Variants in ELOVL5 observed in about 807,000 individuals in gnomAD.
ELOVL5 encodes very long chain fatty acid elongase 5.
A neutral mutation model predicts 38.6 loss-of-function variants in ELOVL5; 8 were observed. The ratio of observed to expected loss-of-function variants is 0.21; its 90% CI spans 0.12 to 0.37. The LOEUF (loss-of-function observed/expected upper bound fraction) is 0.37, where lower values mean the gene tolerates loss of function less well. Among genes scored for constraint, ELOVL5 ranks in the 10% least tolerant of loss-of-function variants. The pLI is 1.00. For synonymous variants in ELOVL5, 127 were observed against 133.7 expected (o/e 0.95, Z 0.34); for missense variants, 280 against 367.8 (o/e 0.76, Z 1.95).
chr6:53,274,866 C>T (rs147618754), intron 5 of ELOVL5, among the ~76,000 whole-genome samples: 157 of 152,258 alleles, frequency 1.0e-3, no homozygotes, highest in Non-Finnish European at 1.9e-3. Flanking sequence ...TAATATGTCC[C>T]CAGTGGTATC....
intron 1 of ELOVL5, among the ~76,000 whole-genome samples, chr6:53,313,726 C>G (rs1238050389): frequency 7.4e-6 from 1 of 135,428 alleles, no homozygotes; most frequent in Non-Finnish European, 1.6e-5. Flanking sequence ...TAAAAGTTTA[C>G]CATATTATAA....
rs667537 is a variant in ELOVL5, at chr6:53,339,747, G to T, written c.-9+9070C>A. Among the ~76,000 whole-genome samples the T allele has an allele frequency of 3.9e-5, 6 of 152,342 alleles. 1 individual carries two copies. The highest frequency in any genetic ancestry group is 1.4e-4 in the African/African-American group (6 of 41,570). ...CATAATGCTTGATGCTGATGATAAAGAACTATGTCATTGGTTTATGTATTT... is the reference window on the plus strand; with the variant it reads ...CATAATGCTTGATGCTGATGATAAATAACTATGTCATTGGTTTATGTATTT... On this transcript the variant is annotated intron_variant, in intron 1 of 7. Coordinates refer to ENST00000304434, the MANE Select transcript of ELOVL5 (RefSeq NM_021814.5).
chr6:53,311,000 C>T (rs1485257141), intron 1 of ELOVL5, among the ~76,000 whole-genome samples: 2 of 152,124 alleles, frequency 1.3e-5, no homozygotes, highest in East Asian at 3.8e-4. Context: ...CAACTGAGTC[C>T]ACAAACGACA....
intron 1 of ELOVL5, among the ~76,000 whole-genome samples, chr6:53,324,125 C>T (rs183788677): frequency 7.3e-5 from 11 of 151,476 alleles, no homozygotes; most frequent in South Asian, 2.1e-4. Context: ...TGGTGGCACA[C>T]GCTTGTAATC....
Position 53,348,804 on chromosome 6 carries a change from C to G in ELOVL5, c.-9+13G>C, listed in dbSNP as rs1205989494. 4 of 454,784 alleles carry G rather than the reference C, an allele frequency of 8.8e-6. No homozygotes were observed. Among genetic ancestry groups the G allele is most frequent in the Non-Finnish European group, 1.8e-5 (4 of 226,496 alleles). 28.2% of individuals were successfully genotyped at this position (454,784 alleles called of 1,614,324 possible). A position where few individuals can be genotyped will look rare whatever the true frequency, so the allele number is the denominator to read the frequency against. ...CGGCCCCCGACGAAGTTTCCCGGAG[C>G]TGACGGCTTTACCTTTTAGCCCAAG... is the stretch of plus-strand genomic sequence containing the variant. On this transcript the variant is annotated intron_variant, in intron 1 of 7. Transcript: ENST00000304434.
chr6:53,309,141 T>A (rs1263771332), intron 1 of ELOVL5, among the ~76,000 whole-genome samples: 3 of 151,850 alleles, frequency 2.0e-5, no homozygotes, highest in Non-Finnish European at 4.4e-5. Flanking sequence ...CTACCAGGAG[T>A]CAACAGTGGC....
intron 1 of ELOVL5, among the ~76,000 whole-genome samples, chr6:53,343,668 A>G (rs1455058856): frequency 6.6e-6 from 1 of 152,254 alleles, no homozygotes; most frequent in Non-Finnish European, 1.5e-5. Context: ...CAATGCTCAG[A>G]GTTGATTTTC....
At chr6:53,302,231 G>A (rs1214647787) in intron 1 of ELOVL5, among the ~76,000 whole-genome samples, 1 of 152,144 alleles carries the variant, frequency 6.6e-6, no homozygotes, top group African/African-American at 2.4e-5. Context: ...CTCCCTCCAG[G>A]GGCAAGTATA....
chr6:53,305,587 C>T (rs1767492875), intron 1 of ELOVL5, among the ~76,000 whole-genome samples: 1 of 150,222 alleles, frequency 6.7e-6, no homozygotes, highest in South Asian at 2.1e-4. Flanking sequence ...CCGAGGCGCT[C>T]CCCACATCTC....
chr6:53,342,981 G>C (rs925353472), intron 1 of ELOVL5, among the ~76,000 whole-genome samples: 1 of 152,164 alleles, frequency 6.6e-6, no homozygotes, highest in African/African-American at 2.4e-5. Flanking sequence ...TGTTACCATG[G>C]AGCAAACACG....
At chr6:53,270,495 C>T (rs1765878676) in intron 7 of ELOVL5, 98 bp downstream of exon 7, 2 of 1,370,220 alleles carry the variant, frequency 1.5e-6, no homozygotes, top group Admixed American at 1.9e-5. Context: ...CAGAGCCTGT[C>T]ACCCAGCAAG....
In ELOVL5 at chr6:53,280,736, G is replaced by T. The variant is rs148137151; in HGVS notation, c.247-4480C>A. On this transcript the variant is annotated intron_variant, in intron 3 of 7. Coordinates refer to ENST00000304434, the MANE Select transcript of ELOVL5 (RefSeq NM_021814.5). ...GCCTCCCAAGTAGCTGAGACTACAG[G>T]TGCACGCTGTCATGCCCGGCTAATT... Among the ~76,000 whole-genome samples, 75 of 152,250 alleles carry T rather than the reference G, an allele frequency of 4.9e-4. 1 individual carries two copies. The highest frequency in any genetic ancestry group is 1.7e-3 in the African/African-American group (69 of 41,548).
chr6:53,348,451 A>T (rs1230283000), intron 1 of ELOVL5, among the ~76,000 whole-genome samples: 3 of 151,804 alleles, frequency 2.0e-5, no homozygotes, highest in Non-Finnish European at 4.4e-5. Context: ...ACCCAGGCGG[A>T]CAGATCCATC....
At chr6:53,298,615 A>G (rs1156928224) in intron 1 of ELOVL5, among the ~76,000 whole-genome samples, 1 of 152,158 alleles carries the variant, frequency 6.6e-6, no homozygotes, top group Non-Finnish European at 1.5e-5. Context: ...AGTGTCTGGC[A>G]TGTAGGAAGC....
At chr6:53,301,003 A>G (rs1287351353) in intron 1 of ELOVL5, among the ~76,000 whole-genome samples, 1 of 151,644 alleles carries the variant, frequency 6.6e-6, no homozygotes, top group African/African-American at 2.4e-5. Flanking sequence ...ATTCTTCATC[A>G]CCAGGCTAGG....
At chr6:53,294,139 T>C in intron 2 of ELOVL5, 1 of 1,414,600 alleles carries the variant, frequency 7.1e-7, no homozygotes, top group East Asian at 2.5e-5. Context: ...TTCCCACAAA[T>C]ACTCATCTTT....
chr6:53,327,326 C>G (rs1025118515), intron 1 of ELOVL5, among the ~76,000 whole-genome samples: 3 of 152,122 alleles, frequency 2.0e-5, no homozygotes, highest in Admixed American at 2.0e-4. Flanking sequence ...TGGACAGTCC[C>G]TATGAATCCC....
At chr6:53,290,513 AGTCTAATTAAACT>A (rs1766732055) in intron 3 of ELOVL5, 1 of 152,158 alleles carries the variant, frequency 6.6e-6, no homozygotes, top group African/African-American at 2.4e-5. Context: ...TCCATCTTGG[AGTCTAATTAAACT>A]GACTTCATTC....
intron 1 of ELOVL5, among the ~76,000 whole-genome samples, chr6:53,342,846 C>G (rs1325964121): frequency 3.3e-5 from 5 of 152,176 alleles, no homozygotes; most frequent in Non-Finnish European, 7.4e-5. Context: ...TCACACAGAA[C>G]TGGCAGAAGA....
Sources: allele counts gnomAD v4.1 joint callset (sites outside exome capture counted in the v4.1 genomes callset), GRCh38; gene constraint gnomAD v4.1.1; transcripts MANE v1.5; gene names NCBI Gene and HGNC (gene_info 2026-07-23, HGNC 2026-07-21).